ZNF718: variants seen among roughly 807,000 people sequenced by gnomAD.
ZNF718 encodes zinc finger protein 718.
ZNF718 carries 3 observed loss-of-function variants against 2.6 expected under a neutral mutation model. The observed-to-expected ratio is 1.16, with a 90% CI of 0.53 to 3.01. The LOEUF (loss-of-function observed/expected upper bound fraction) is 3.01. Ranked by LOEUF, ZNF718 falls within the 30% of genes most tolerant of loss-of-function variation. ZNF718 has a pLI of 0.03. For synonymous variants in ZNF718, 135 were observed against 77.9 expected, an observed-to-expected ratio of 1.73 and a Z score of -3.86; for missense variants, 468 against 230.0, an observed-to-expected ratio of 2.03 and a Z score of -6.69.
At position 163,914 on chromosome 4, in the gene ZNF718, G is replaced by T. The variant is rs6829913; in HGVS notation, c.*1792G>T. The T allele has an allele frequency of 6.6e-6, 1 of 151,736 alleles. No individual in the cohort carries two copies. Among genetic ancestry groups the T allele is most frequent in the Non-Finnish European group, 1.5e-5 (1 of 67,908 alleles). 9.4% of individuals were successfully genotyped at this position (151,736 alleles called of 1,614,324 possible). ...GTACATGGTATGTGTATACATTCATGGCATAGATGGGTTACTTTGATACAG... is the reference window on the plus strand; with the variant it reads ...GTACATGGTATGTGTATACATTCATTGCATAGATGGGTTACTTTGATACAG... On this transcript the variant is annotated 3_prime_UTR_variant, in exon 4 of 4. Coordinates refer to ENST00000510175, the MANE Select transcript of ZNF718 (RefSeq NM_001039127.6).
chr4:144,944 A>T (rs879945886), intron 3 of ZNF718, among the ~76,000 whole-genome samples: 1 of 149,816 alleles, frequency 6.7e-6, no homozygotes, highest in Non-Finnish European at 1.5e-5. Context: ...TTTGTGACAG[A>T]TTTTTTTTTT....
intron 3 of ZNF718, among the ~76,000 whole-genome samples, chr4:141,578 A>G (rs1715813037): frequency 6.6e-6 from 1 of 152,224 alleles, no homozygotes; most frequent in African/African-American, 2.4e-5. Context: ...GGAGGTAAAC[A>G]GGATTATTTG....
chr4:133,698 A>G (rs1715431607), intron 3 of ZNF718, among the ~76,000 whole-genome samples: 1 of 152,252 alleles, frequency 6.6e-6, no homozygotes, highest in African/African-American at 2.4e-5. Context: ...TGCATGACAT[A>G]TAGCAACAAT....
intron 3 of ZNF718, among the ~76,000 whole-genome samples, chr4:181,626 A>G (rs1717465651): frequency 6.6e-6 from 1 of 152,078 alleles, no homozygotes; most frequent in Non-Finnish European, 1.5e-5. Context: ...CACAAATTCT[A>G]TTCCTTTAAT....
In ZNF718 at chr4:200,243, T is replaced by G. The variant is rs193252736; in HGVS notation, c.227-838T>G. On this transcript the variant is annotated intron_variant and NMD_transcript_variant, in intron 3 of 4. Coordinates refer to the ZNF718 transcript ENST00000642529. The stretch of plus-strand genomic sequence containing the variant: ...AAACTGGGGAGGAAGGAGGAGGTTT[T>G]TTTTTTTGTTTGTTTGTTTGTTTAT... 1.2e-4 allele frequency among the ~76,000 whole-genome samples: 18 copies of G among 144,692 alleles called. No homozygotes were observed. The East Asian group carries it at 2.0e-3, about 16-fold the overall frequency. 94.9% of individuals were successfully genotyped at this position (144,692 alleles called of 152,430 possible).
At chr4:153,540 G>A (rs1167255479) in intron 3 of ZNF718, among the ~76,000 whole-genome samples, 2 of 151,580 alleles carry the variant, frequency 1.3e-5, no homozygotes, top group Non-Finnish European at 2.9e-5. Flanking sequence ...TTCAATTCAT[G>A]AGCATAAAAA....
rs527497125 is a variant in ZNF718, at chr4:194,287, G to A, written c.227-6794G>A. On this transcript the variant is annotated intron_variant and NMD_transcript_variant, in intron 3 of 4. Transcript: ENST00000642529. ...GTATGCTTCCTCAATGCCTCCCTTA[G>A]TCTCTCCAGAAAGGCAGTAGGATTT... 2.0e-5 allele frequency among the ~76,000 whole-genome samples: 3 copies of A among 152,288 alleles called. No homozygotes were observed. The East Asian group carries it at 5.8e-4, about 29-fold the overall frequency.
At chr4:176,448 GCTACCATCAA>G (rs1361147273) in intron 3 of ZNF718, among the ~76,000 whole-genome samples, 2 of 152,102 alleles carry the variant, frequency 1.3e-5, no homozygotes, top group Admixed American at 6.5e-5. Flanking sequence ...ATGCATCTAT[GCTACCATCAA>G]TTCCAGAACT....
chr4:137,114 A>G (rs938992771), intron 3 of ZNF718, among the ~76,000 whole-genome samples: 21 of 152,106 alleles, frequency 1.4e-4, no homozygotes, highest in African/African-American at 4.3e-4. Flanking sequence ...TGCTCCCACT[A>G]TGTGAGGTGA....
intron 4 of ZNF718, chr4:201,535 C>G (rs567974028): frequency 3.2e-5 from 5 of 154,526 alleles, no homozygotes; most frequent in Middle Eastern, 1.4e-3. Flanking sequence ...TCAGCTGCAG[C>G]CTTCGATATC....
intron 3 of ZNF718, among the ~76,000 whole-genome samples, chr4:147,397 C>T (rs573840485): frequency 6.6e-6 from 1 of 152,226 alleles, no homozygotes; most frequent in Non-Finnish European, 1.5e-5. Flanking sequence ...ATATCTTCTT[C>T]TGTTGGATCT....
intron 1 of ZNF718, 188 bp downstream of exon 1, chr4:124,861 T>C (rs1553807645): frequency 2.9e-6 from 2 of 679,300 alleles, no homozygotes; most frequent in South Asian, 3.5e-5. Flanking sequence ...GCAGCCCTCC[T>C]TGTGCAGCTC....
downstream of ZNF718, among the ~76,000 whole-genome samples, chr4:168,806 C>G (rs544281189): frequency 2.6e-5 from 4 of 152,140 alleles, no homozygotes; most frequent in Non-Finnish European, 5.9e-5. Flanking sequence ...AAAACCAGCT[C>G]CTGGATTCAT....
intron 3 of ZNF718, among the ~76,000 whole-genome samples, chr4:152,181 C>G (rs1297382326): frequency 6.8e-6 from 1 of 146,456 alleles, no homozygotes; most frequent in African/African-American, 2.5e-5. Context: ...GGTTTTATAC[C>G]GAGACATTCC....
intron 3 of ZNF718, among the ~76,000 whole-genome samples, chr4:172,568 A>G (rs782646381): frequency 1.3e-5 from 2 of 152,226 alleles, no homozygotes; most frequent in Non-Finnish European, 2.9e-5. Context: ...AGCCACAGAG[A>G]AAAATGACTT....
downstream of ZNF718, among the ~76,000 whole-genome samples, chr4:167,034 G>T (rs1035301113): frequency 6.6e-6 from 1 of 152,156 alleles, no homozygotes; most frequent in East Asian, 1.9e-4. Context: ...TGTATAAGGT[G>T]TAAGGAAGGG....
intron 3 of ZNF718, among the ~76,000 whole-genome samples, chr4:181,106 CA>C (rs1396780902): frequency 2.1e-5 from 3 of 143,780 alleles, no homozygotes; most frequent in African/African-American, 7.6e-5. Flanking sequence ...ACTGCAGCCT[CA>C]ATCTCCTCTC....
chr4:186,117 G>C (rs1419287257), intron 3 of ZNF718, among the ~76,000 whole-genome samples: 6 of 152,002 alleles, frequency 3.9e-5, no homozygotes, highest in African/African-American at 1.4e-4. Flanking sequence ...AAGTGTAGTG[G>C]CTGGTAATGG....
At chr4:150,314 T>C (rs1553812301) in intron 3 of ZNF718, 1 of 152,230 alleles carries the variant, frequency 6.6e-6, no homozygotes, top group Non-Finnish European at 1.5e-5. Flanking sequence ...CATGCATGTG[T>C]AAATATCTAT....
Sources: allele counts gnomAD v4.1 joint callset (sites outside exome capture counted in the v4.1 genomes callset), GRCh38; gene constraint gnomAD v4.1.1; transcripts MANE v1.5; gene names NCBI Gene and HGNC (gene_info 2026-07-23, HGNC 2026-07-21).